PLEKHG7: variants seen among roughly 807,000 people sequenced by gnomAD.
PLEKHG7 encodes pleckstrin homology domain-containing family G member 7.
In PLEKHG7, 77 loss-of-function variants were observed where a neutral mutation model predicts 85.2. The ratio of observed to expected loss-of-function variants is 0.90; its 90% CI spans 0.75 to 1.09. The LOEUF is 1.09. Among genes scored for constraint, PLEKHG7 ranks in the 50% least tolerant of loss-of-function variants. PLEKHG7 has a pLI of 0.00. For synonymous variants in PLEKHG7, 301 were observed against 302.4 expected (o/e 1.00, Z 0.05); for missense variants, 777 against 804.3 (o/e 0.97, Z 0.41).
intron 2 of PLEKHG7, chr12:92,707,408 T>A (rs951982491): frequency 1.4e-6 from 2 of 1,428,812 alleles, no homozygotes; most frequent in African/African-American, 2.9e-5. Flanking sequence ...GGCTTACCGA[T>A]GGTCTGTCAG....
chr12:92,759,240 C>T (rs1247497316), intron 13 of PLEKHG7, among the ~76,000 whole-genome samples: 1 of 152,198 alleles, frequency 6.6e-6, no homozygotes, highest in African/African-American at 2.4e-5. Context: ...ATAATTACCA[C>T]TTTCTAGAAT....
chr12:92,709,431 C>A (rs184860979), intron 3 of PLEKHG7, among the ~76,000 whole-genome samples: 3 of 152,190 alleles, frequency 2.0e-5, no homozygotes, highest in East Asian at 3.9e-4. Context: ...GAGTGTAGGT[C>A]TTGTGTTCAG....
chr12:92,739,123 T>A (rs1872271052), intron 7 of PLEKHG7, among the ~76,000 whole-genome samples: 1 of 152,264 alleles, frequency 6.6e-6, no homozygotes, highest in African/African-American at 2.4e-5. Context: ...ATCCTATGGC[T>A]GGCTTCTCTT....
At chr12:92,766,785 G>A (rs571434289) in intron 15 of PLEKHG7, among the ~76,000 whole-genome samples, 39 of 152,122 alleles carry the variant, frequency 2.6e-4, no homozygotes, top group Non-Finnish European at 3.7e-4. Context: ...AGCCAAGGTC[G>A]CACGACTGCA....
intron 13 of PLEKHG7, 130 bp downstream of exon 13, chr12:92,756,521 A>G: frequency 4.1e-6 from 3 of 730,452 alleles, no homozygotes; most frequent in Admixed American, 4.5e-5. Context: ...TGAATGAGAG[A>G]GTCCCTATGG....
At chr12:92,761,216 T>A (rs1872979129) in intron 13 of PLEKHG7, among the ~76,000 whole-genome samples, 1 of 152,214 alleles carries the variant, frequency 6.6e-6, no homozygotes, top group Admixed American at 6.5e-5. Context: ...GAAAATGCCT[T>A]TTCTCTGGTT....
rs1207915194 is a variant in PLEKHG7, at chr12:92,729,045, G to A, written c.583G>A (p.Val195Met). The part of the protein sequence containing the change: ...SVVLNLPGLE[V>M]FPGDLLVSDG... ...GGTGCTGAACTTACCTGGACTTGAG[G>A]TGTTCCCCGGGGACCTTCTGGTGTC... The change falls in exon 4 of 17, where the codon GTG becomes ATG. Residue 195 changes from valine to methionine, a missense_variant. By Grantham distance (21) the Val-to-Met change is conservative (BLOSUM62 1). Around this residue, in one of 3 missense-constraint regions of PLEKHG7, gnomAD observed 252 missense variants for 241.9 expected, o/e 1.04. Transcript: ENST00000344636. The A allele has an allele frequency of 3.8e-5, 47 of 1,231,742 alleles. No individual in the cohort carries two copies. Among genetic ancestry groups the A allele is most frequent in the Non-Finnish European group, 4.7e-5 (46 of 987,826 alleles). The allele number at this position is 1,231,742 out of a possible 1,614,324, so 76.3% of individuals were successfully genotyped here.
chr12:92,707,885 T>C lies in PLEKHG7; in HGVS notation c.530+213T>C, dbSNP rs1056964248. 7 of 704,474 alleles carry C rather than the reference T, an allele frequency of 9.9e-6. 1 individual carries two copies. The allele number at this position is 704,474 out of a possible 1,614,324, so 43.6% of individuals were successfully genotyped here. A position where few individuals can be genotyped will look rare whatever the true frequency, so the allele number is the denominator to read the frequency against. ...CACAGCATTTGGGGGCAGGATACAA[T>C]GCCATATGCAGTCATAGTTTTCATT... On this transcript the variant is annotated intron_variant, in intron 3 of 16. Coordinates refer to ENST00000344636, the MANE Select transcript of PLEKHG7 (RefSeq NM_001377329.1).
At chr12:92,748,763 C>T (rs1377418429) in intron 10 of PLEKHG7, among the ~76,000 whole-genome samples, 1 of 152,178 alleles carries the variant, frequency 6.6e-6, no homozygotes, top group East Asian at 1.9e-4. Context: ...CTCTTCATAT[C>T]AGAACTATTT....
intron 3 of PLEKHG7, among the ~76,000 whole-genome samples, chr12:92,716,075 G>T (rs1056838563): frequency 1.4e-4 from 21 of 151,240 alleles, no homozygotes; most frequent in African/African-American, 4.9e-4. Context: ...CAGTGGTTTT[G>T]GGGTTTTTTT....
Position 92,770,860 on chromosome 12 carries a change from T to C in PLEKHG7, c.*665T>C, listed in dbSNP as rs1445065295. The C allele has an allele frequency of 1.3e-5, 2 of 152,160 alleles. No homozygotes were observed. The highest frequency in any genetic ancestry group is 4.8e-5 in the African/African-American group (2 of 41,450). 9.4% of individuals were successfully genotyped at this position (152,160 alleles called of 1,614,324 possible). ...AAAAAAAAATCTGGCTTTCACCAGT[T>C]AACACTTTTGCATGGCTTTTCTTGG... On this transcript the variant is annotated 3_prime_UTR_variant, in exon 17 of 17. Transcript: ENST00000344636.
chr12:92,751,400 C>T (rs139556749), intron 10 of PLEKHG7, among the ~76,000 whole-genome samples: 152 of 152,308 alleles, frequency 1.0e-3, no homozygotes, highest in African/African-American at 3.5e-3. Context: ...GAGTCTTGCT[C>T]TGTTGCCCAG....
rs140865046 is a variant in PLEKHG7, at chr12:92,707,764, G to C, written c.530+92G>C. 1.0e-5 allele frequency: 16 copies of C among 1,594,774 alleles called. No individual in the cohort carries two copies. The African/African-American group carries it at 2.1e-4, about 21-fold the overall frequency. The stretch of plus-strand genomic sequence containing the variant: ...TCTGTCCTGACATAACAAAGCTGAC[G>C]GTGTGTTAACCAGTGCACTTTGTTT... On this transcript the variant is annotated intron_variant, in intron 3 of 16. Coordinates refer to ENST00000344636, the MANE Select transcript of PLEKHG7 (RefSeq NM_001377329.1).
rs182518149 is a variant in PLEKHG7 at position 92,760,253 on chromosome 12, G to A, written c.1637-1499G>A. Among the ~76,000 whole-genome samples the A allele has an allele frequency of 1.1e-4, 16 of 152,248 alleles. No homozygotes were observed. In the East Asian group the frequency reaches 1.5e-3, roughly 15 times the overall value. ...TGGGGATTCTACTGCTACAAGAGAA[G>A]GGGAGAATGGTTTTCAAGGGACAAC... On this transcript the variant is annotated intron_variant, in intron 13 of 16. Coordinates refer to ENST00000344636, the MANE Select transcript of PLEKHG7 (RefSeq NM_001377329.1).
chr12:92,721,456 G>T, intron 3 of PLEKHG7: 1 of 1,230,640 alleles, frequency 8.1e-7, no homozygotes, highest in Non-Finnish European at 1.0e-6. Context: ...GAAGGGAGAC[G>T]AGACTATTCC....
At chr12:92,708,561 T>A (rs1001082815) in intron 3 of PLEKHG7, 7 of 152,226 alleles carry the variant, frequency 4.6e-5, no homozygotes, top group Non-Finnish European at 2.9e-5. Context: ...ACAGTTATTG[T>A]TTCTTATAAA....
At chr12:92,736,846 T>TA (rs1219507029) in intron 6 of PLEKHG7, among the ~76,000 whole-genome samples, 1 of 152,208 alleles carries the variant, frequency 6.6e-6, no homozygotes, top group African/African-American at 2.4e-5. Flanking sequence ...AAGTGGGTGT[T>TA]ACTACTCTTC....
rs1167011611 is a variant in PLEKHG7, at chr12:92,772,223, A to C, written c.*2028A>C. The C allele has an allele frequency of 1.3e-5, 2 of 151,964 alleles. No homozygotes were observed. Among genetic ancestry groups the C allele is most frequent in the Non-Finnish European group, 2.9e-5 (2 of 67,876 alleles). 9.4% of individuals were successfully genotyped at this position (151,964 alleles called of 1,614,324 possible). On this transcript the variant is annotated 3_prime_UTR_variant, in exon 17 of 17. Coordinates refer to ENST00000344636, the MANE Select transcript of PLEKHG7 (RefSeq NM_001377329.1). ...CTTTAAATGGTCATCTGGGTATTAA[A>C]TGCAGACACACAATGAAATAAGGGG...
At position 92,770,192 on chromosome 12, in the gene PLEKHG7, TTA is replaced by T. The variant is rs1873365740; in HGVS notation, c.2074_2075del (p.Ter692GlyfsTer3). ...FTLPAESSEI[*>X] ...CATTGCCCGCAGAATCCTCTGAAAT[TTA>T]GGGACCTAAAACAAGTGGCATGTCT... is the stretch of plus-strand genomic sequence containing the variant. On this transcript the variant is annotated frameshift_variant and stop_lost, in exon 17 of 17. Transcript: ENST00000344636. LOFTEE classifies it high-confidence loss of function. The T allele has an allele frequency of 2.5e-6, 4 of 1,581,264 alleles. No homozygotes were observed. The South Asian group carries it at 4.6e-5, about 18-fold the overall frequency.
Sources: allele counts gnomAD v4.1 joint callset (sites outside exome capture counted in the v4.1 genomes callset), GRCh38; gene constraint gnomAD v4.1.1; regional missense constraint gnomAD v4.1.1; transcripts MANE v1.5; gene names NCBI Gene and HGNC (gene_info 2026-07-23, HGNC 2026-07-21).